Variants in PTCSC3 observed in about 807,000 individuals in gnomAD.
The protein encoded by PTCSC3 is papillary thyroid carcinoma susceptibility candidate 3.
At chr14:36,163,254 A>G (rs1261224496) in intron 1 of PTCSC3, among the ~76,000 whole-genome samples, 3 of 152,114 alleles carry the variant, frequency 2.0e-5, no homozygotes, top group Non-Finnish European at 2.9e-5. Context: ...TAAAATAAGC[A>G]TAAATGGGGA....
At chr14:36,164,295 T>C (rs558942566) in intron 1 of PTCSC3, 1 of 152,318 alleles carries the variant, frequency 6.6e-6, no homozygotes, top group South Asian at 2.1e-4. Context: ...CACTAAATGT[T>C]TGCCACAAAA....
intron 1 of PTCSC3, among the ~76,000 whole-genome samples, chr14:36,167,073 A>G (rs1430989257): frequency 6.6e-6 from 1 of 152,178 alleles, no homozygotes; most frequent in Non-Finnish European, 1.5e-5. Flanking sequence ...AATTAGTTCT[A>G]TGGCCGAGAA....
rs189198170 is a variant in PTCSC3 at position 36,156,237 on chromosome 14, C to G, written n.232-2343G>C. Among the ~76,000 whole-genome samples the G allele has an allele frequency of 3.3e-5, 5 of 152,256 alleles. No individual in the cohort carries two copies. In the East Asian group the frequency reaches 9.7e-4, roughly 29 times the overall value. On this transcript the variant is annotated intron_variant and non_coding_transcript_variant, in intron 2 of 3. Coordinates refer to ENST00000556013, the Ensembl canonical transcript of PTCSC3. ...TGGTTGTTTTATGTTTCCTCAGTGA[C>G]TGATTTTTATTAGTTTCAAAAGATA...
chr14:36,174,832 T>C (rs1276835294), intron 1 of PTCSC3, among the ~76,000 whole-genome samples: 1 of 152,176 alleles, frequency 6.6e-6, no homozygotes, highest in Non-Finnish European at 1.5e-5. Context: ...GTGCACTTTG[T>C]GGTGTCTCAG....
At chr14:36,167,346 C>T (rs1386802403) in intron 1 of PTCSC3, among the ~76,000 whole-genome samples, 1 of 152,066 alleles carries the variant, frequency 6.6e-6, no homozygotes, top group Non-Finnish European at 1.5e-5. Flanking sequence ...GACGTTGATG[C>T]ATAACTTCTA....
chr14:36,154,670 G>C (rs1384699345), intron 2 of PTCSC3, among the ~76,000 whole-genome samples: 2 of 152,074 alleles, frequency 1.3e-5, no homozygotes, highest in East Asian at 3.9e-4. Context: ...TTAGGGAGGT[G>C]GTGCATTATG....
At chr14:36,168,742 A>G (rs150828715) in intron 1 of PTCSC3, among the ~76,000 whole-genome samples, 1 of 152,148 alleles carries the variant, frequency 6.6e-6, no homozygotes, top group African/African-American at 2.4e-5. Flanking sequence ...CAGCCTCCCA[A>G]ATAGCTGGAA....
chr14:36,147,283 A>G (rs1320708301), intron 3 of PTCSC3, among the ~76,000 whole-genome samples: 5 of 152,286 alleles, frequency 3.3e-5, no homozygotes, highest in East Asian at 1.9e-4. Context: ...CATTCTCCCC[A>G]TCACTTTCAG....
At chr14:36,139,360 G>A (rs1221049803) in intron 3 of PTCSC3, among the ~76,000 whole-genome samples, 1 of 152,098 alleles carries the variant, frequency 6.6e-6, no homozygotes, top group Non-Finnish European at 1.5e-5. Flanking sequence ...AGCATATAGT[G>A]CACAACTGCA....
chr14:36,156,193 A>G (rs908063729), intron 2 of PTCSC3, among the ~76,000 whole-genome samples: 4 of 152,236 alleles, frequency 2.6e-5, no homozygotes, highest in African/African-American at 9.6e-5. Flanking sequence ...TTGCAGACTG[A>G]GAACAGCTCT....
intron 2 of PTCSC3, among the ~76,000 whole-genome samples, chr14:36,160,903 T>C (rs1228013588): frequency 1.3e-5 from 2 of 152,250 alleles, no homozygotes; most frequent in East Asian, 3.8e-4. Flanking sequence ...CCCATATTTC[T>C]TGGAGGCTTT....
intron 3 of PTCSC3, among the ~76,000 whole-genome samples, chr14:36,148,131 G>GC (rs1240565934): frequency 1.3e-5 from 2 of 152,012 alleles, no homozygotes; most frequent in Admixed American, 6.5e-5. Context: ...TCTGTGCCCT[G>GC]CCCCCAGAGA....
At chr14:36,172,036 AT>A (rs1191805247) in intron 1 of PTCSC3, among the ~76,000 whole-genome samples, 1 of 152,200 alleles carries the variant, frequency 6.6e-6, no homozygotes, top group Non-Finnish European at 1.5e-5. Context: ...AATCAGAAAG[AT>A]GACAACTAGT....
At position 36,145,711 on chromosome 14, in the gene PTCSC3, A is replaced by C. The variant is rs950926465; in HGVS notation, n.322+8093T>G. Among the ~76,000 whole-genome samples the C allele has an allele frequency of 2.4e-5, 3 of 124,688 alleles. No individual in the cohort carries two copies. In the Admixed American group the frequency reaches 2.5e-4, roughly 10 times the overall value. 81.8% of individuals were successfully genotyped at this position (124,688 alleles called of 152,430 possible). On this transcript the variant is annotated intron_variant and non_coding_transcript_variant, in intron 3 of 3. Coordinates refer to ENST00000556013, the Ensembl canonical transcript of PTCSC3. ...TTTCTTGCCTTCTGCTAGCTTTTGA[A>C]TGTGTTTGCTCTTGCTTTTCTAGTT...
downstream of PTCSC3, among the ~76,000 whole-genome samples, chr14:36,135,188 A>G (rs1045080938): frequency 1.1e-4 from 16 of 152,208 alleles, no homozygotes; most frequent in Non-Finnish European, 2.1e-4. Flanking sequence ...CTTTATAATG[A>G]AAAAGCTTTT....
chr14:36,141,576 C>A (rs913554340), intron 3 of PTCSC3, among the ~76,000 whole-genome samples: 49 of 152,182 alleles, frequency 3.2e-4, no homozygotes, highest in African/African-American at 1.1e-3. Context: ...TGGTCTCGAA[C>A]TCCTAACATC....
exon 3 of PTCSC3, chr14:36,153,869 G>A (rs2139099808): frequency 6.6e-6 from 1 of 152,266 alleles, no homozygotes; most frequent in Middle Eastern, 3.4e-3. Context: ...TTTGAGAACA[G>A]CTTGGGCAAC....
chr14:36,150,746 A>C (rs1438143564), intron 3 of PTCSC3, among the ~76,000 whole-genome samples: 1 of 152,198 alleles, frequency 6.6e-6, no homozygotes, highest in Non-Finnish European at 1.5e-5. Flanking sequence ...AAATAATCTA[A>C]GTTCACTATC....
rs953807100 is a variant in PTCSC3 at position 36,166,051 on chromosome 14, C to A, written n.172-3368G>T. On this transcript the variant is annotated intron_variant and non_coding_transcript_variant, in intron 1 of 3. Coordinates refer to ENST00000556013, the Ensembl canonical transcript of PTCSC3. ...AAAATTACCCGAAAGAACTGTCCTT[C>A]TAGAGTGCTTACATGCTTCTCTTAT... 5.3e-5 allele frequency among the ~76,000 whole-genome samples: 8 copies of A among 152,284 alleles called. No individual in the cohort carries two copies. In the East Asian group the frequency reaches 1.4e-3, roughly 26 times the overall value.
Sources: gnomAD v4.1 joint callset for allele counts (sites outside exome capture counted in the v4.1 genomes callset) on GRCh38, gnomAD v4.1.1 for gene constraint, MANE v1.5 for transcripts, NCBI Gene and HGNC (gene_info 2026-07-23, HGNC 2026-07-21) for gene names.